Variants in PRKN observed in about 807,000 individuals in gnomAD.
The protein encoded by PRKN is parkin RBR E3 ubiquitin protein ligase.
In PRKN, 56 loss-of-function variants were observed where a neutral mutation model predicts 59.5. The observed-to-expected ratio is 0.94, with a 90% CI of 0.76 to 1.18. The LOEUF is 1.18. Among genes scored for constraint, PRKN ranks in the 50% most tolerant of loss-of-function variants. PRKN has a pLI of 0.00. For synonymous variants in PRKN, 250 were observed against 222.1 expected, an observed-to-expected ratio of 1.13 and a Z score of -1.12; for missense variants, 657 against 596.4, an observed-to-expected ratio of 1.10 and a Z score of -1.06.
rs76018423 is a variant in PRKN, at chr6:162,548,860, G to A, written c.8-105387C>T. ...AAATGGCATTGGGTAAATAACTCTC[G>A]GGTGCTTTTTTCACTGGTCCGCTCA... On this transcript the variant is annotated intron_variant, in intron 1 of 11. Transcript: ENST00000366898. Among the ~76,000 whole-genome samples the A allele has an allele frequency of 3.3e-3, 506 of 152,120 alleles. 1 individual carries two copies. The highest frequency in any genetic ancestry group is 0.01 in the African/African-American group (418 of 41,478).
chr6:162,679,584 T>C (rs1045645355), intron 1 of PRKN, among the ~76,000 whole-genome samples: 4 of 152,162 alleles, frequency 2.6e-5, no homozygotes, highest in East Asian at 1.9e-4. Flanking sequence ...AAAAAGGACA[T>C]TTTTTCTAAA....
intron 2 of PRKN, among the ~76,000 whole-genome samples, chr6:162,405,058 T>C (rs1235997281): frequency 1.3e-5 from 2 of 152,098 alleles, no homozygotes; most frequent in Non-Finnish European, 1.5e-5. Flanking sequence ...CAAAACACCA[T>C]GAATGTTTCA....
In PRKN at chr6:161,477,337, G is replaced by A. The variant is rs183310077; in HGVS notation, c.1083+71517C>T. Among the ~76,000 whole-genome samples, 994 of 152,128 alleles carry A rather than the reference G, an allele frequency of 6.5e-3. 12 individuals carry two copies. Among genetic ancestry groups the A allele is most frequent in the African/African-American group, 0.023 (946 of 41,528 alleles). On this transcript the variant is annotated intron_variant, in intron 9 of 11. Transcript: ENST00000366898. ...GTTCGAGACCAGCCTGACCAACACGGAGAAACCCCGTCTCTACTAAAAATA... is the reference window on the plus strand; with the variant it reads ...GTTCGAGACCAGCCTGACCAACACGAAGAAACCCCGTCTCTACTAAAAATA...
At chr6:161,404,139 C>G (rs1162012576) in intron 9 of PRKN, among the ~76,000 whole-genome samples, 3 of 152,126 alleles carry the variant, frequency 2.0e-5, no homozygotes, top group Non-Finnish European at 2.9e-5. Context: ...CTGTACTGAC[C>G]TGATCCTAAA....
intron 3 of PRKN, among the ~76,000 whole-genome samples, chr6:162,216,275 A>G (rs1239876493): frequency 1.3e-5 from 2 of 151,550 alleles, no homozygotes; most frequent in Non-Finnish European, 2.9e-5. Flanking sequence ...TCACGCCTGT[A>G]ATCCCAGCAC....
chr6:162,072,439 G>C (rs1008023910), intron 4 of PRKN, among the ~76,000 whole-genome samples: 14 of 152,266 alleles, frequency 9.2e-5, no homozygotes, highest in African/African-American at 3.4e-4. Context: ...GTAGTATTCT[G>C]AGCATGGAGA....
chr6:161,943,085 T>G (rs1432814113), intron 6 of PRKN, among the ~76,000 whole-genome samples: 3 of 152,260 alleles, frequency 2.0e-5, no homozygotes, highest in African/African-American at 7.2e-5. Context: ...GATGCCTTCT[T>G]AAGGCAGAAA....
At chr6:161,721,188 G>T (rs1031261013) in intron 7 of PRKN, among the ~76,000 whole-genome samples, 1 of 152,228 alleles carries the variant, frequency 6.6e-6, no homozygotes, top group Non-Finnish European at 1.5e-5. Flanking sequence ...ATGTGATTTT[G>T]ATCCAACTGT....
At chr6:162,577,923 T>A (rs1780626644) in intron 1 of PRKN, among the ~76,000 whole-genome samples, 1 of 152,174 alleles carries the variant, frequency 6.6e-6, no homozygotes, top group South Asian at 2.1e-4. Context: ...AGTGAGACTC[T>A]GTCTCAAAAA....
intron 2 of PRKN, among the ~76,000 whole-genome samples, chr6:162,275,655 G>T (rs945390030): frequency 2.0e-5 from 3 of 151,906 alleles, no homozygotes; most frequent in African/African-American, 7.3e-5. Context: ...CGTGGTGGCG[G>T]ATGCCTGCAA....
At chr6:162,625,196 A>G (rs1043732756) in intron 1 of PRKN, among the ~76,000 whole-genome samples, 8 of 152,156 alleles carry the variant, frequency 5.3e-5, no homozygotes, top group African/African-American at 1.9e-4. Context: ...GCCACTGCAA[A>G]CTCACGATGA....
intron 1 of PRKN, among the ~76,000 whole-genome samples, chr6:162,662,695 T>C (rs1208820256): frequency 6.6e-6 from 1 of 152,206 alleles, no homozygotes; most frequent in Admixed American, 6.5e-5. Context: ...TTCTCCAATG[T>C]ATATCTTTGT....
At chr6:162,046,789 T>G (rs1293281871) in intron 5 of PRKN, among the ~76,000 whole-genome samples, 1 of 152,164 alleles carries the variant, frequency 6.6e-6, no homozygotes, top group Non-Finnish European at 1.5e-5. Flanking sequence ...CATTGACACT[T>G]TTTTCCATGG....
chr6:162,208,651 G>A (rs1562581847), intron 3 of PRKN, among the ~76,000 whole-genome samples: 1 of 152,136 alleles, frequency 6.6e-6, no homozygotes, highest in Non-Finnish European at 1.5e-5. Context: ...GCCAAAAAGA[G>A]TAAATGTAGT....
intron 1 of PRKN, among the ~76,000 whole-genome samples, chr6:162,676,920 G>C (rs1562489313): frequency 6.6e-6 from 1 of 152,136 alleles, no homozygotes; most frequent in East Asian, 1.9e-4. Flanking sequence ...AGTTAGCTGG[G>C]CATGGTGGTG....
chr6:162,614,198 T>C (rs1263080739), intron 1 of PRKN, among the ~76,000 whole-genome samples: 1 of 152,174 alleles, frequency 6.6e-6, no homozygotes, highest in East Asian at 1.9e-4. Flanking sequence ...ATATCTGAAC[T>C]TTTTAATTAA....
At chr6:162,059,272 T>C (rs556026625) in intron 4 of PRKN, among the ~76,000 whole-genome samples, 24 of 152,298 alleles carry the variant, frequency 1.6e-4, no homozygotes, top group African/African-American at 5.5e-4. Flanking sequence ...AACACAATGG[T>C]GTAAGTAGTA....
intron 1 of PRKN, among the ~76,000 whole-genome samples, chr6:162,690,860 C>T (rs1390688148): frequency 6.6e-6 from 1 of 151,330 alleles, no homozygotes; most frequent in Non-Finnish European, 1.5e-5. Context: ...TTGAAAAACC[C>T]TTGGGTTTTT....
chr6:162,509,530 T>C (rs1256041643), intron 1 of PRKN, among the ~76,000 whole-genome samples: 1 of 152,198 alleles, frequency 6.6e-6, no homozygotes, highest in African/African-American at 2.4e-5. Flanking sequence ...AGGTAAATCA[T>C]GCATAATTCA....
Sources: allele counts gnomAD v4.1 joint callset (sites outside exome capture counted in the v4.1 genomes callset), GRCh38; gene constraint gnomAD v4.1.1; transcripts MANE v1.5; gene names NCBI Gene and HGNC (gene_info 2026-07-23, HGNC 2026-07-21).